The following LOC128462377 variants were observed in gnomAD, a reference collection of about 807,000 sequenced individuals.
chr16:89,337,426 A>ATTTTTTTT, the LOC128462377 span, among the ~76,000 whole-genome samples: 64 of 43,716 alleles, frequency 1.5e-3, 1 homozygote, highest in Non-Finnish European at 2.2e-3. Flanking sequence ...GGTCTAAGCA[A>ATTTTTTTT]TTCTTTTTTT....
At chr16:89,380,049 T>G in the LOC128462377 span, among the ~76,000 whole-genome samples, 5 of 152,336 alleles carry the variant, frequency 3.3e-5, no homozygotes, top group East Asian at 7.7e-4. Context: ...ATGAAGCTCC[T>G]CTGCCACCAG....
At chr16:89,415,062 G>A in the LOC128462377 span, among the ~76,000 whole-genome samples, 4 of 151,364 alleles carry the variant, frequency 2.6e-5, no homozygotes, top group South Asian at 4.2e-4. Context: ...CTTCCTCCCC[G>A]CTCAGCCTCC....
chr16:89,381,354 A>AAAGGG, the LOC128462377 span, among the ~76,000 whole-genome samples: 13 of 125,334 alleles, frequency 1.0e-4, no homozygotes, highest in African/African-American at 4.3e-4. Flanking sequence ...AAAAAAAAAA[A>AAAGGG]GGGGTGAGAA....
At chr16:89,334,434 TGAG>T in the LOC128462377 span, among the ~76,000 whole-genome samples, 1 of 152,142 alleles carries the variant, frequency 6.6e-6, no homozygotes, top group Non-Finnish European at 1.5e-5. Context: ...TGCCATTCTC[TGAG>T]GAGTCCTCTC....
At chr16:89,399,419 C>A in the LOC128462377 span, among the ~76,000 whole-genome samples, 1 of 152,180 alleles carries the variant, frequency 6.6e-6, no homozygotes, top group African/African-American at 2.4e-5. Flanking sequence ...AAGGACTACA[C>A]GCTGTACGGT....
chr16:89,318,875 T>A, the LOC128462377 span, among the ~76,000 whole-genome samples: 1 of 152,128 alleles, frequency 6.6e-6, no homozygotes, highest in Non-Finnish European at 1.5e-5. Flanking sequence ...CCATCCACCA[T>A]CCCTGATGCC....
At chr16:89,388,057 T>C in the LOC128462377 span, among the ~76,000 whole-genome samples, 1 of 152,128 alleles carries the variant, frequency 6.6e-6, no homozygotes, top group Admixed American at 6.5e-5. Flanking sequence ...GGTTCCTTTT[T>C]TAAACTTCAG....
At chr16:89,411,812 A>G in the LOC128462377 span, among the ~76,000 whole-genome samples, 1 of 152,218 alleles carries the variant, frequency 6.6e-6, no homozygotes, top group Admixed American at 6.5e-5. Flanking sequence ...TGGGGAAAAA[A>G]AGAGACTAGA....
the LOC128462377 span, among the ~76,000 whole-genome samples, chr16:89,406,337 G>T: frequency 6.6e-6 from 1 of 152,158 alleles, no homozygotes; most frequent in South Asian, 2.1e-4. Context: ...GGTCACGGCG[G>T]GCACGGGAAA....
the LOC128462377 span, among the ~76,000 whole-genome samples, chr16:89,337,191 AC>A: frequency 1.3e-5 from 2 of 151,794 alleles, no homozygotes; most frequent in African/African-American, 2.4e-5. Flanking sequence ...GTCTCAAAAA[AC>A]AAAAAACAAA....
At chr16:89,337,260 T>C in the LOC128462377 span, among the ~76,000 whole-genome samples, 13 of 151,714 alleles carry the variant, frequency 8.6e-5, no homozygotes, top group Admixed American at 8.5e-4. Flanking sequence ...CATGCCCAAA[T>C]GCTCCCAAGG....
the LOC128462377 span, chr16:89,325,208 C>G: frequency 6.6e-6 from 1 of 152,280 alleles, no homozygotes; most frequent in Admixed American, 6.5e-5. Context: ...CACTACACAG[C>G]AGAGGAGGCA....
At chr16:89,326,547 C>G in the LOC128462377 span, among the ~76,000 whole-genome samples, 1 of 152,100 alleles carries the variant, frequency 6.6e-6, no homozygotes, top group East Asian at 1.9e-4. Context: ...GAGTTTGAGA[C>G]CCGGGCAATG....
the LOC128462377 span, among the ~76,000 whole-genome samples, chr16:89,391,164 C>A: frequency 6.7e-6 from 1 of 149,100 alleles, no homozygotes; most frequent in Non-Finnish European, 1.5e-5. Flanking sequence ...GAAGGCGGAG[C>A]TTGCAGTGAG....
chr16:89,350,939 C>T, the LOC128462377 span, among the ~76,000 whole-genome samples: 1 of 152,202 alleles, frequency 6.6e-6, no homozygotes, highest in East Asian at 1.9e-4. Flanking sequence ...CAGCAACAGG[C>T]TCTACCATGT....
chr16:89,395,499 C>T, the LOC128462377 span, among the ~76,000 whole-genome samples: 6 of 152,214 alleles, frequency 3.9e-5, no homozygotes, highest in African/African-American at 1.2e-4. Context: ...CAGGAACAGA[C>T]GCACAGACCC....
chr16:89,326,849 C>T, the LOC128462377 span, among the ~76,000 whole-genome samples: 1 of 152,218 alleles, frequency 6.6e-6, no homozygotes, highest in African/African-American at 2.4e-5. Context: ...TAACACAAAG[C>T]CTGCCCGCCA....
At chr16:89,402,081 A>C in the LOC128462377 span, among the ~76,000 whole-genome samples, 1 of 151,928 alleles carries the variant, frequency 6.6e-6, no homozygotes, top group African/African-American at 2.4e-5. Context: ...CCCCCACACC[A>C]AGTTTCACTC....
chr16:89,397,730 T>TGA, the LOC128462377 span, among the ~76,000 whole-genome samples: 1 of 152,246 alleles, frequency 6.6e-6, no homozygotes, highest in Non-Finnish European at 1.5e-5. Flanking sequence ...AAGATGAAGA[T>TGA]GATGCAGAAG....
Sources: allele counts gnomAD v4.1 joint callset (sites outside exome capture counted in the v4.1 genomes callset), GRCh38; gene constraint gnomAD v4.1.1; transcripts MANE v1.5.